Variants in NKAIN2 observed in about 807,000 individuals in gnomAD.
NKAIN2 encodes sodium/potassium-transporting ATPase subunit beta-1-interacting protein 2.
A neutral mutation model predicts 32.6 loss-of-function variants in NKAIN2; 14 were observed. The observed-to-expected ratio is 0.43, with a 90% confidence interval of 0.28 to 0.67. The LOEUF is 0.67. Among genes scored for constraint, NKAIN2 ranks in the 30% least tolerant of loss-of-function variants. NKAIN2 has a pLI of 0.17. For synonymous variants in NKAIN2, 80 were observed against 87.2 expected (o/e 0.92, Z 0.46); for missense variants, 198 against 258.3 (o/e 0.77, Z 1.60).
intron 3 of NKAIN2, among the ~76,000 whole-genome samples, chr6:124,466,750 G>A (rs796417066): frequency 7.7e-4 from 110 of 143,704 alleles, no homozygotes; most frequent in Middle Eastern, 3.6e-3. Flanking sequence ...AGTAAAAAAA[G>A]AAAAAAAAAA....
chr6:124,062,092 G>C (rs1210466890), intron 1 of NKAIN2, among the ~76,000 whole-genome samples: 1 of 152,066 alleles, frequency 6.6e-6, no homozygotes, highest in Non-Finnish European at 1.5e-5. Context: ...GCTCAAGTAG[G>C]CTTGTTCATT....
At chr6:124,723,763 A>G (rs1776140764) in intron 4 of NKAIN2, among the ~76,000 whole-genome samples, 1 of 152,234 alleles carries the variant, frequency 6.6e-6, no homozygotes, top group Non-Finnish European at 1.5e-5. Flanking sequence ...ATGCCAAAGA[A>G]TTTTTAAAAT....
At chr6:124,471,481 C>T (rs1776970846) in intron 3 of NKAIN2, among the ~76,000 whole-genome samples, 1 of 152,116 alleles carries the variant, frequency 6.6e-6, no homozygotes, top group African/African-American at 2.4e-5. Flanking sequence ...TATTCAAAGA[C>T]AGACATAGTC....
chr6:124,109,309 A>G (rs1785260656), intron 1 of NKAIN2, among the ~76,000 whole-genome samples: 1 of 151,964 alleles, frequency 6.6e-6, no homozygotes. Context: ...GTGCACCTGT[A>G]AATGACACTG....
rs998771674 is a variant in NKAIN2 at position 124,442,481 on chromosome 6, T to C, written c.273+87134T>C. 5.9e-5 allele frequency among the ~76,000 whole-genome samples: 9 copies of C among 152,172 alleles called. No individual in the cohort carries two copies. The South Asian group carries it at 1.5e-3, about 25-fold the overall frequency. On this transcript the variant is annotated intron_variant, in intron 3 of 6. Transcript: ENST00000368417. ...CCTCCCTCCCATTCAGCCATATGAA[T>C]TGAGAGCCATATGAATTGCAATAAT...
intron 4 of NKAIN2, among the ~76,000 whole-genome samples, chr6:124,692,849 G>C (rs1572576): frequency 0.21 from 32,669 of 152,010 alleles, 4,402 homozygotes; most frequent in Non-Finnish European, 0.32. Flanking sequence ...ACATGAAAAA[G>C]TCAGTTATGT....
At chr6:124,279,510 C>CAAA (rs10545991) in intron 1 of NKAIN2, among the ~76,000 whole-genome samples, 4 of 78,682 alleles carry the variant, frequency 5.1e-5, no homozygotes, top group Admixed American at 1.4e-4. Context: ...GATTCCATCT[C>CAAA]AAAAAAAAAA....
intron 1 of NKAIN2, among the ~76,000 whole-genome samples, chr6:124,047,831 T>C (rs1782218753): frequency 6.6e-6 from 1 of 152,030 alleles, no homozygotes; most frequent in Non-Finnish European, 1.5e-5. Context: ...ATTTTATTGC[T>C]GTATAAATAA....
At chr6:123,893,185 G>T (rs1482484415) in intron 1 of NKAIN2, among the ~76,000 whole-genome samples, 1 of 151,882 alleles carries the variant, frequency 6.6e-6, no homozygotes, top group Non-Finnish European at 1.5e-5. Context: ...AAACTCAAAG[G>T]AATGTATAAT....
At chr6:124,542,848 A>G (rs995783451) in intron 3 of NKAIN2, among the ~76,000 whole-genome samples, 12 of 152,324 alleles carry the variant, frequency 7.9e-5, no homozygotes, top group African/African-American at 2.6e-4. Context: ...ACCTGGTTAG[A>G]AAAAGATAAT....
At chr6:124,226,089 C>A (rs1792091882) in intron 1 of NKAIN2, among the ~76,000 whole-genome samples, 1 of 151,986 alleles carries the variant, frequency 6.6e-6, no homozygotes, top group African/African-American at 2.4e-5. Context: ...AGAGAATGGA[C>A]ACTGTCAATT....
intron 2 of NKAIN2, among the ~76,000 whole-genome samples, chr6:124,308,952 A>C (rs1250196396): frequency 6.6e-6 from 1 of 152,188 alleles, no homozygotes; most frequent in Admixed American, 6.6e-5. Context: ...GAGTTTTAAA[A>C]GTAAAGATTA....
intron 2 of NKAIN2, among the ~76,000 whole-genome samples, chr6:124,292,427 T>A (rs990123732): frequency 2.6e-5 from 4 of 152,192 alleles, no homozygotes; most frequent in African/African-American, 9.6e-5. Flanking sequence ...ATATTTGTTG[T>A]ATGCTCAGTT....
At chr6:124,442,752 A>G (rs1229209410) in intron 3 of NKAIN2, among the ~76,000 whole-genome samples, 1 of 152,048 alleles carries the variant, frequency 6.6e-6, no homozygotes, top group African/African-American at 2.4e-5. Context: ...CAGAAGCTCT[A>G]TGTTGGCATG....
chr6:124,705,599 G>T (rs951462295), intron 4 of NKAIN2, among the ~76,000 whole-genome samples: 3 of 152,082 alleles, frequency 2.0e-5, no homozygotes, highest in East Asian at 3.9e-4. Context: ...GTTATCAGTA[G>T]CATTTGGGGA....
chr6:124,065,890 A>G (rs1783149635), intron 1 of NKAIN2, among the ~76,000 whole-genome samples: 1 of 152,210 alleles, frequency 6.6e-6, no homozygotes, highest in Admixed American at 6.5e-5. Flanking sequence ...TATTAACATG[A>G]TAAATATGTG....
intron 2 of NKAIN2, among the ~76,000 whole-genome samples, chr6:124,284,587 T>A (rs1795456626): frequency 6.6e-6 from 1 of 152,080 alleles, no homozygotes; most frequent in Non-Finnish European, 1.5e-5. Flanking sequence ...ATTATGTAAA[T>A]ATTTCATCTT....
chr6:123,899,046 T>C (rs1774430631), intron 1 of NKAIN2, among the ~76,000 whole-genome samples: 1 of 152,252 alleles, frequency 6.6e-6, no homozygotes, highest in South Asian at 2.1e-4. Context: ...TCACTTATTG[T>C]GTAGACTTCT....
intron 3 of NKAIN2, among the ~76,000 whole-genome samples, chr6:124,496,248 A>T (rs995899857): frequency 6.6e-6 from 1 of 152,168 alleles, no homozygotes; most frequent in Non-Finnish European, 1.5e-5. Context: ...TCATTTCAAT[A>T]AAACTTTTAC....
Sources: allele counts gnomAD v4.1 joint callset (sites outside exome capture counted in the v4.1 genomes callset), GRCh38; gene constraint gnomAD v4.1.1; transcripts MANE v1.5; gene names NCBI Gene and HGNC (gene_info 2026-07-23, HGNC 2026-07-21).